RAD51B: variants seen among roughly 807,000 people sequenced by gnomAD.
RAD51B encodes the protein DNA repair protein RAD51 homolog 2.
Under a neutral mutation model 42.2 loss-of-function variants are expected in RAD51B, and 38 were observed. The observed-to-expected ratio is 0.90, with a 90% confidence interval of 0.70 to 1.18. The LOEUF (loss-of-function observed/expected upper bound fraction) is 1.18. Ranked by LOEUF, RAD51B falls within the 50% of genes most tolerant of loss-of-function variation. The pLI is 0.00. For missense variants in RAD51B, 373 were observed against 400.7 expected, an observed-to-expected ratio of 0.93 and a Z score of 0.59; for synonymous variants, 154 against 145.2, an observed-to-expected ratio of 1.06 and a Z score of -0.43.
chr14:68,426,495 T>C (rs1028580441), intron 9 of RAD51B, among the ~76,000 whole-genome samples: 8 of 152,196 alleles, frequency 5.3e-5, no homozygotes, highest in African/African-American at 1.9e-4. Context: ...ATCCACGCCT[T>C]GAGGTCTTGT....
intron 7 of RAD51B, among the ~76,000 whole-genome samples, chr14:68,199,657 C>T (rs17105134): frequency 0.028 from 4,313 of 152,266 alleles, 228 homozygotes; most frequent in African/African-American, 0.099. Context: ...CATCTCATTC[C>T]GTCCTCCCCC....
At chr14:67,984,853 C>T (rs2075155495) in intron 7 of RAD51B, among the ~76,000 whole-genome samples, 1 of 152,168 alleles carries the variant, frequency 6.6e-6, no homozygotes, top group African/African-American at 2.4e-5. Context: ...ATACATTTTA[C>T]TTTTTATTTA....
intron 8 of RAD51B, among the ~76,000 whole-genome samples, chr14:68,369,316 C>T (rs772426987): frequency 3.9e-5 from 6 of 152,210 alleles, no homozygotes; most frequent in Non-Finnish European, 7.3e-5. Flanking sequence ...CTTGTTGGTG[C>T]TGTATCAGCT....
At chr14:68,528,577 T>C (rs908347364) in intron 10 of RAD51B, among the ~76,000 whole-genome samples, 2 of 152,130 alleles carry the variant, frequency 1.3e-5, no homozygotes, top group African/African-American at 2.4e-5. Flanking sequence ...GAGGGTGGCA[T>C]GAAGAGCAAG....
At chr14:68,317,396 C>T (rs775964458) in intron 8 of RAD51B, among the ~76,000 whole-genome samples, 6 of 152,152 alleles carry the variant, frequency 3.9e-5, no homozygotes, top group Non-Finnish European at 7.3e-5. Context: ...CCCTTAAGAA[C>T]TAGTAGTCCA....
downstream of RAD51B, among the ~76,000 whole-genome samples, chr14:68,614,997 C>T (rs1891795961): frequency 1.3e-5 from 2 of 152,160 alleles, no homozygotes; most frequent in Admixed American, 6.5e-5. Context: ...CTCAGCCTCC[C>T]AAGTAGCTGG....
chr14:67,855,715 C>T (rs1241545627), intron 4 of RAD51B, among the ~76,000 whole-genome samples: 1 of 152,202 alleles, frequency 6.6e-6, no homozygotes, highest in Non-Finnish European at 1.5e-5. Context: ...CTGCTGACAA[C>T]AGCAGCAAAC....
intron 10 of RAD51B, among the ~76,000 whole-genome samples, chr14:68,624,895 G>C (rs189667746): frequency 6.6e-6 from 1 of 152,318 alleles, no homozygotes; most frequent in Non-Finnish European, 1.5e-5. Flanking sequence ...ACATAGGATA[G>C]GAGCCGGTGG....
intron 7 of RAD51B, among the ~76,000 whole-genome samples, chr14:68,028,512 C>T (rs2075989295): frequency 6.6e-6 from 1 of 152,220 alleles, no homozygotes; most frequent in Admixed American, 6.5e-5. Flanking sequence ...GTGCCAGCCA[C>T]ATAACTCGAC....
At chr14:67,857,206 A>G (rs1227726987) in intron 4 of RAD51B, among the ~76,000 whole-genome samples, 30 of 152,196 alleles carry the variant, frequency 2.0e-4, no homozygotes, top group Admixed American at 2.0e-3. Context: ...CATATGGTAT[A>G]ATTTTTTTGA....
intron 10 of RAD51B, among the ~76,000 whole-genome samples, chr14:68,505,434 G>A (rs1205774373): frequency 6.6e-6 from 1 of 151,434 alleles, no homozygotes; most frequent in Non-Finnish European, 1.5e-5. Context: ...TCTGTCAGCT[G>A]CCCGCTCTGT....
intron 8 of RAD51B, among the ~76,000 whole-genome samples, chr14:68,364,907 T>C (rs1014644782): frequency 6.6e-6 from 1 of 152,364 alleles, no homozygotes; most frequent in Admixed American, 6.5e-5. Context: ...TCAAGCTCCC[T>C]GGACCTCCGC....
At chr14:68,261,560 G>A (rs1324845672) in intron 7 of RAD51B, among the ~76,000 whole-genome samples, 2 of 152,072 alleles carry the variant, frequency 1.3e-5, no homozygotes, top group African/African-American at 2.4e-5. Context: ...TTAATTATAT[G>A]CTATTCATAT....
intron 8 of RAD51B, among the ~76,000 whole-genome samples, chr14:68,394,715 T>C (rs577075345): frequency 5.9e-5 from 9 of 152,296 alleles, no homozygotes; most frequent in Non-Finnish European, 1.0e-4. Flanking sequence ...CCCCAGTGGG[T>C]TTTGAGGGGA....
At chr14:67,959,988 G>C (rs2074628562) in intron 7 of RAD51B, among the ~76,000 whole-genome samples, 1 of 152,126 alleles carries the variant, frequency 6.6e-6, no homozygotes, top group Admixed American at 6.5e-5. Flanking sequence ...GGGAGGCTGA[G>C]GCAGGAGAAT....
chr14:67,948,873 A>G lies in RAD51B; in HGVS notation c.756+61669A>G, dbSNP rs548180750. ...TGTGAACCTGGGAGGCGGAGCTTGC[A>G]GTGAGCTGAGATCACGCCGCTGCAT... On this transcript the variant is annotated intron_variant, in intron 7 of 10. Coordinates refer to ENST00000471583, the MANE Select transcript of RAD51B (RefSeq NM_133510.4). 8.4e-4 allele frequency among the ~76,000 whole-genome samples: 113 copies of G among 134,550 alleles called. 1 individual carries two copies. Among genetic ancestry groups the G allele is most frequent in the African/African-American group, 3.1e-3 (111 of 35,988 alleles). The allele number at this position is 134,550 out of a possible 152,430, so 88.3% of individuals were successfully genotyped here. A position where few individuals can be genotyped will look rare whatever the true frequency, so the allele number is the denominator to read the frequency against.
intron 10 of RAD51B, among the ~76,000 whole-genome samples, chr14:68,504,658 CTTTCTT>C (rs1885160910): frequency 1.3e-5 from 1 of 77,636 alleles, no homozygotes; most frequent in Non-Finnish European, 2.6e-5. Flanking sequence ...CTTTTTTTTT[CTTTCTT>C]TTTTTTTTTT....
At chr14:68,655,125 T>C (rs1212300757) in intron 11 of RAD51B, among the ~76,000 whole-genome samples, 3 of 126,174 alleles carry the variant, frequency 2.4e-5, no homozygotes, top group Non-Finnish European at 3.4e-5. Context: ...AGGAGGCAAA[T>C]GGTGAGTGTG....
intron 7 of RAD51B, among the ~76,000 whole-genome samples, chr14:68,204,571 T>A (rs991588635): frequency 4.6e-5 from 7 of 152,244 alleles, no homozygotes; most frequent in Non-Finnish European, 1.0e-4. Flanking sequence ...ACTTGTTTGA[T>A]GCAGAGTTGC....
Sources: gnomAD v4.1 joint callset for allele counts (sites outside exome capture counted in the v4.1 genomes callset) on GRCh38, gnomAD v4.1.1 for gene constraint, MANE v1.5 for transcripts, NCBI Gene and HGNC (gene_info 2026-07-23, HGNC 2026-07-21) for gene names.